The following ABCC4 variants were observed in gnomAD, a reference collection of about 807,000 sequenced individuals.
ABCC4 encodes the protein ATP-binding cassette sub-family C member 4.
ABCC4 carries 102 observed loss-of-function variants against 168.5 expected under a neutral mutation model. The ratio of observed to expected loss-of-function variants is 0.61; its 90% confidence interval spans 0.52 to 0.71. ABCC4 has a LOEUF of 0.71. Among genes scored for constraint, ABCC4 ranks in the 30% least tolerant of loss-of-function variants. ABCC4 has a pLI of 0.00. For synonymous variants in ABCC4, 617 were observed against 590.7 expected, an observed-to-expected ratio of 1.04 and a Z score of -0.65; for missense variants, 1,402 against 1,605.8, an observed-to-expected ratio of 0.87 and a Z score of 2.17.
chr13:95,119,276 G>A (rs1357909837), intron 19 of ABCC4, among the ~76,000 whole-genome samples: 1 of 151,960 alleles, frequency 6.6e-6, no homozygotes, highest in Admixed American at 6.6e-5. Flanking sequence ...GCATCCCCAC[G>A]GACCCCAAAA....
At chr13:95,167,856 C>T (rs984049772) in intron 14 of ABCC4, among the ~76,000 whole-genome samples, 16 of 152,182 alleles carry the variant, frequency 1.1e-4, no homozygotes, top group Admixed American at 2.6e-4. Flanking sequence ...TCCTGGGTGC[C>T]CACCAGTGGA....
chr13:95,103,072 C>T (rs911671221), intron 20 of ABCC4, among the ~76,000 whole-genome samples: 1 of 151,324 alleles, frequency 6.6e-6, no homozygotes, highest in Admixed American at 6.6e-5. Flanking sequence ...CGAGACCAGC[C>T]GGGCCAATAC....
chr13:95,047,561 T>A (rs1355061152), intron 27 of ABCC4, among the ~76,000 whole-genome samples: 10 of 132,804 alleles, frequency 7.5e-5, no homozygotes, highest in African/African-American at 2.8e-4. Flanking sequence ...CTCACTGCAA[T>A]CTCTGCCTCC....
intron 26 of ABCC4, among the ~76,000 whole-genome samples, chr13:95,061,826 G>A (rs1241908900): frequency 6.6e-6 from 1 of 152,106 alleles, no homozygotes; most frequent in Non-Finnish European, 1.5e-5. Context: ...TGCCGGTGGG[G>A]ACAAGGTCTA....
chr13:95,076,913 C>T (rs2033926492), intron 21 of ABCC4, among the ~76,000 whole-genome samples: 3 of 151,800 alleles, frequency 2.0e-5, no homozygotes, highest in African/African-American at 7.3e-5. Context: ...ATGCACACCA[C>T]CGTGCCTGGA....
At chr13:95,116,691 G>A (rs536213214) in intron 19 of ABCC4, among the ~76,000 whole-genome samples, 32 of 152,198 alleles carry the variant, frequency 2.1e-4, no homozygotes, top group South Asian at 8.3e-4. Context: ...TTTATTTCCC[G>A]TCAAGTAGAA....
intron 26 of ABCC4, among the ~76,000 whole-genome samples, chr13:95,058,584 AAAAAAAAAG>A (rs1368991288): frequency 2.8e-4 from 16 of 57,924 alleles, no homozygotes; most frequent in Admixed American, 1.8e-3. Flanking sequence ...AAAAAAAAAA[AAAAAAAAAG>A]AAAAGAAAAA....
intron 29 of ABCC4, chr13:95,043,316 T>G (rs60016022): frequency 0.017 from 2,991 of 179,506 alleles, 84 homozygotes; most frequent in African/African-American, 0.064. Flanking sequence ...AAAACCTAAA[T>G]CTTTCATTAA....
intron 8 of ABCC4, among the ~76,000 whole-genome samples, chr13:95,205,936 G>A (rs2038766656): frequency 6.6e-6 from 1 of 152,136 alleles, no homozygotes; most frequent in African/African-American, 2.4e-5. Flanking sequence ...CAACCAATTG[G>A]AAATAAAGAA....
At chr13:95,080,913 C>T (rs1265080719) in intron 21 of ABCC4, among the ~76,000 whole-genome samples, 1 of 152,176 alleles carries the variant, frequency 6.6e-6, no homozygotes, top group Non-Finnish European at 1.5e-5. Flanking sequence ...AGGCATCCTG[C>T]TTTCAGCTGG....
intron 20 of ABCC4, among the ~76,000 whole-genome samples, chr13:95,090,262 A>ACCACAGCTAAT (rs1825189140): frequency 1.3e-5 from 2 of 152,162 alleles, no homozygotes; most frequent in South Asian, 2.1e-4. Context: ...TCTTCATGCT[A>ACCACAGCTAAT]CCACAGCTAA....
In ABCC4 at chr13:95,044,118, CT is replaced by C. The variant is rs955778735; in HGVS notation, c.3629+147del. ...ACTGGAAAACACGTTTGGGTTTCTT[CT>C]TTTTTTTTCAGAATGAATTTATCCA... On this transcript the variant is annotated intron_variant, in intron 28 of 30. Transcript: ENST00000645237. 1.8e-4 allele frequency: 166 copies of C among 907,478 alleles called. 2 individuals carry two copies. Among genetic ancestry groups the C allele is most frequent in the South Asian group, 1.8e-3 (77 of 43,130 alleles). The allele number at this position is 907,478 out of a possible 1,614,324, so 56.2% of individuals were successfully genotyped here.
At chr13:95,074,350 T>C (rs373697823) in intron 22 of ABCC4, 26 bp from the exon 23 acceptor site, 4 of 1,559,786 alleles carry the variant, frequency 2.6e-6, no homozygotes, top group African/African-American at 1.4e-5. Context: ...GTAATAAGCA[T>C]GATGAATAAG....
chr13:95,102,036 G>T (rs897121389), intron 20 of ABCC4, among the ~76,000 whole-genome samples: 6 of 152,186 alleles, frequency 3.9e-5, no homozygotes, highest in Non-Finnish European at 8.8e-5. Flanking sequence ...GTAGCATGTG[G>T]CTTTGTGAGG....
intron 15 of ABCC4, 128 bp downstream of exon 15, chr13:95,166,030 T>TA: frequency 1.1e-6 from 1 of 874,486 alleles, no homozygotes; most frequent in Non-Finnish European, 1.8e-6. Context: ...TATCATGGAA[T>TA]AGAGCCCTGA....
intron 19 of ABCC4, among the ~76,000 whole-genome samples, chr13:95,143,021 A>C (rs1382404478): frequency 1.3e-5 from 2 of 152,212 alleles, no homozygotes; most frequent in African/African-American, 4.8e-5. Flanking sequence ...TGTACTAAAA[A>C]GCCTAGCTAT....
At chr13:95,232,997 C>A (rs1594347427) in intron 4 of ABCC4, among the ~76,000 whole-genome samples, 1 of 152,272 alleles carries the variant, frequency 6.6e-6, no homozygotes, top group East Asian at 1.9e-4. Flanking sequence ...TGGACTCAAC[C>A]AACCTGGGGT....
At chr13:95,150,238 A>T (rs1379627542) in intron 19 of ABCC4, among the ~76,000 whole-genome samples, 3 of 152,156 alleles carry the variant, frequency 2.0e-5, no homozygotes, top group African/African-American at 7.2e-5. Flanking sequence ...AGCTGGGATT[A>T]TATGACATGA....
At chr13:95,053,676 T>C (rs977866084) in intron 26 of ABCC4, 2 of 163,778 alleles carry the variant, frequency 1.2e-5, no homozygotes, top group Non-Finnish European at 2.7e-5. Context: ...AAAACAGTTT[T>C]CCAAGATTAA....
Sources: gnomAD v4.1 joint callset for allele counts (sites outside exome capture counted in the v4.1 genomes callset) on GRCh38, gnomAD v4.1.1 for gene constraint, MANE v1.5 for transcripts, NCBI Gene and HGNC (gene_info 2026-07-23, HGNC 2026-07-21) for gene names.